SNX13: variants seen among roughly 807,000 people sequenced by gnomAD.
SNX13 encodes the protein sorting nexin 13, also known as sorting nexin-13.
SNX13 carries 45 observed loss-of-function variants against 133.6 expected under a neutral mutation model. The ratio of observed to expected loss-of-function variants is 0.34; its 90% CI spans 0.27 to 0.43. The LOEUF (loss-of-function observed/expected upper bound fraction) is 0.43, where lower values mean the gene tolerates loss of function less well. Ranked by LOEUF, SNX13 falls within the 20% of genes least tolerant of loss-of-function variation. The pLI, the probability that SNX13 is intolerant of heterozygous loss-of-function variation, is 1.00. For missense variants in SNX13, 1,032 were observed against 1,145.1 expected, an observed-to-expected ratio of 0.90 and a Z score of 1.43; for synonymous variants, 414 against 373.9, an observed-to-expected ratio of 1.11 and a Z score of -1.24.
intron 12 of SNX13, 84 bp from the exon 13 acceptor site, chr7:17,840,084 A>T (rs2128316413): frequency 8.6e-7 from 1 of 1,162,604 alleles, no homozygotes; most frequent in Admixed American, 3.1e-5. Flanking sequence ...GTAAAGAAGG[A>T]TTAAAGTTTC....
intron 1 of SNX13, chr7:17,900,191 G>A (rs1259109324): frequency 6.6e-6 from 1 of 152,268 alleles, no homozygotes; most frequent in African/African-American, 2.4e-5. Flanking sequence ...GCTGAGTTGT[G>A]TGGAGCTGGG....
chr7:17,910,755 G>A (rs1261014358), intron 1 of SNX13, among the ~76,000 whole-genome samples: 1 of 152,110 alleles, frequency 6.6e-6, no homozygotes, highest in African/African-American at 2.4e-5. Flanking sequence ...TAATATGAAT[G>A]AGCTTAAAAA....
rs1783795382 is a variant in SNX13 at position 17,794,042 on chromosome 7, G to T, written c.*3C>A. 3 of 1,610,616 alleles carry T rather than the reference G, an allele frequency of 1.9e-6. No homozygotes were observed. Among genetic ancestry groups the T allele is most frequent in the South Asian group, 1.1e-5 (1 of 90,882 alleles). ...ATGAACACCAGCTTCATAGAGTGGA[G>T]TGTCACCTTTTCTGCAAAGAAGGCG... is the stretch of plus-strand genomic sequence containing the variant. On this transcript the variant is annotated 3_prime_UTR_variant, in exon 26 of 26. Coordinates refer to ENST00000428135, the MANE Select transcript of SNX13 (RefSeq NM_015132.5).
At chr7:17,837,215 A>G (rs1031714658) in intron 13 of SNX13, among the ~76,000 whole-genome samples, 6 of 152,036 alleles carry the variant, frequency 3.9e-5, no homozygotes, top group Admixed American at 1.3e-4. Flanking sequence ...GGTTCACTGC[A>G]GCCTTGATAT....
At chr7:17,940,181 C>T (rs1378519566) in intron 1 of SNX13, 103 bp downstream of exon 1, 1 of 1,483,748 alleles carries the variant, frequency 6.7e-7, no homozygotes, top group Non-Finnish European at 9.2e-7. Flanking sequence ...GAGCCCACGG[C>T]GAAGGGTCAG....
At chr7:17,928,529 C>G (rs1057215548) in intron 1 of SNX13, among the ~76,000 whole-genome samples, 1 of 152,146 alleles carries the variant, frequency 6.6e-6, no homozygotes, top group African/African-American at 2.4e-5. Context: ...TTACTTTACA[C>G]TGACTCTCAA....
intron 1 of SNX13, among the ~76,000 whole-genome samples, chr7:17,927,895 C>T (rs1469723559): frequency 6.6e-6 from 1 of 152,174 alleles, no homozygotes; most frequent in Non-Finnish European, 1.5e-5. Flanking sequence ...TGTTCCTCTA[C>T]TAAATAAAGT....
intron 20 of SNX13, among the ~76,000 whole-genome samples, chr7:17,805,250 T>TGTGTGTGTGTGCGCGCGCGCGCGC: frequency 1.0e-4 from 10 of 95,558 alleles, no homozygotes; most frequent in South Asian, 3.0e-4. Flanking sequence ...TGTGTGTGTG[T>TGTGTGTGTGTGCGCGCGCGCGCGC]GCGTGCGCGC....
chr7:17,927,763 G>A (rs2128043497), intron 1 of SNX13, among the ~76,000 whole-genome samples: 1 of 152,218 alleles, frequency 6.6e-6, no homozygotes, highest in African/African-American at 2.4e-5. Flanking sequence ...CAAGCATCAA[G>A]ACCATTTCTA....
rs1247085248 is a variant in SNX13 at position 17,791,528 on chromosome 7, G to A, written c.*2517C>T. On this transcript the variant is annotated 3_prime_UTR_variant, in exon 26 of 26. Transcript: ENST00000428135. ...TAAATAATACAATCAATTTTTTAAG[G>A]TGAATAAACTATGATGGTTTCTAAA... 1 of 151,822 alleles carries A rather than the reference G, an allele frequency of 6.6e-6. No homozygotes were observed. The highest frequency in any genetic ancestry group is 1.5e-5 in the Non-Finnish European group (1 of 67,876). The allele number at this position is 151,822 out of a possible 1,614,324, so 9.4% of individuals were successfully genotyped here. A position where few individuals can be genotyped will look rare whatever the true frequency, so the allele number is the denominator to read the frequency against.
Position 17,894,750 on chromosome 7 carries a change from T to C in SNX13, c.126-1316A>G, listed in dbSNP as rs137879704. Among the ~76,000 whole-genome samples, 418 of 152,294 alleles carry C rather than the reference T, an allele frequency of 2.7e-3. 1 individual carries two copies. The highest frequency in any genetic ancestry group is 8.5e-3 in the African/African-American group (354 of 41,574). ...GATCTTATAGTAATGTTACAATGAT[T>C]CAAAGACTGTAATGACAGGAAGGGA... On this transcript the variant is annotated intron_variant, in intron 2 of 25. Coordinates refer to ENST00000428135, the MANE Select transcript of SNX13 (RefSeq NM_015132.5).
intron 4 of SNX13, among the ~76,000 whole-genome samples, chr7:17,890,885 T>C (rs2127992227): frequency 6.6e-6 from 1 of 152,016 alleles, no homozygotes; most frequent in African/African-American, 2.4e-5. Flanking sequence ...AAAAAAGTTT[T>C]TTTAAAGATT....
intron 5 of SNX13, among the ~76,000 whole-genome samples, chr7:17,886,286 G>T (rs768082253): frequency 6.6e-6 from 1 of 151,872 alleles, no homozygotes; most frequent in Non-Finnish European, 1.5e-5. Flanking sequence ...ACCTACTTTC[G>T]CTGGGGGGCA....
chr7:17,929,351 T>C lies in SNX13; in HGVS notation c.12+10933A>G, dbSNP rs370257386. Among the ~76,000 whole-genome samples, 6 of 152,240 alleles carry C rather than the reference T, an allele frequency of 3.9e-5. No individual in the cohort carries two copies. The East Asian group carries it at 9.6e-4, about 24-fold the overall frequency. On this transcript the variant is annotated intron_variant, in intron 1 of 25. Coordinates refer to ENST00000428135, the MANE Select transcript of SNX13 (RefSeq NM_015132.5). ...CCTTGAGTATAATAGTTTATTCTAT[T>C]ATTATGTGAAAAGATAAGCAACTGC...
intron 18 of SNX13, among the ~76,000 whole-genome samples, chr7:17,818,036 G>C (rs571144790): frequency 8.5e-5 from 13 of 152,218 alleles, no homozygotes; most frequent in African/African-American, 3.1e-4. Context: ...TATCCTATCA[G>C]AAAAGAAAAT....
intron 20 of SNX13, among the ~76,000 whole-genome samples, chr7:17,806,987 T>A (rs1785375242): frequency 6.6e-6 from 1 of 152,120 alleles, no homozygotes; most frequent in African/African-American, 2.4e-5. Flanking sequence ...CTCCGGTGCC[T>A]CCGCCACCAC....
At chr7:17,807,807 G>C (rs551790495) in intron 20 of SNX13, among the ~76,000 whole-genome samples, 2 of 148,060 alleles carry the variant, frequency 1.4e-5, no homozygotes, top group South Asian at 4.4e-4. Context: ...GCCTCTGCTG[G>C]TGATACTCGG....
At chr7:17,805,829 T>C (rs1443249591) in intron 20 of SNX13, among the ~76,000 whole-genome samples, 1 of 152,118 alleles carries the variant, frequency 6.6e-6, no homozygotes, top group African/African-American at 2.4e-5. Context: ...TTGTTTGTTT[T>C]CCCCACCAAA....
chr7:17,870,127 C>CT (rs1237501984), intron 8 of SNX13, among the ~76,000 whole-genome samples: 1 of 152,120 alleles, frequency 6.6e-6, no homozygotes, highest in Non-Finnish European at 1.5e-5. Flanking sequence ...ATAATTCCTA[C>CT]TTTAAGACCT....
Sources: gnomAD v4.1 joint callset for allele counts (sites outside exome capture counted in the v4.1 genomes callset) on GRCh38, gnomAD v4.1.1 for gene constraint, MANE v1.5 for transcripts, NCBI Gene and HGNC (gene_info 2026-07-23, HGNC 2026-07-21) for gene names.